Variants in PCMTD2 observed in about 807,000 individuals in gnomAD.
PCMTD2 encodes protein-L-isoaspartate O-methyltransferase domain-containing protein 2.
Under a neutral mutation model 33.4 loss-of-function variants are expected in PCMTD2, and 16 were observed. The observed-to-expected ratio is 0.48, with a 90% CI of 0.32 to 0.73. The LOEUF (loss-of-function observed/expected upper bound fraction) is 0.73, where lower values mean the gene tolerates loss of function less well. Ranked by LOEUF, PCMTD2 falls within the 30% of genes least tolerant of loss-of-function variation. The pLI, the probability that PCMTD2 is intolerant of heterozygous loss-of-function variation, is 0.03. For missense variants in PCMTD2, 374 were observed against 449.9 expected, an observed-to-expected ratio of 0.83 and a Z score of 1.53; for synonymous variants, 161 against 160.8, an observed-to-expected ratio of 1.00 and a Z score of -0.01.
Position 64,275,988 on chromosome 20 carries a change from A to G in PCMTD2, c.*2388A>G, listed in dbSNP as rs550317891. 16 of 152,358 alleles carry G rather than the reference A, an allele frequency of 1.1e-4. No individual in the cohort carries two copies. The highest frequency in any genetic ancestry group is 3.8e-4 in the African/African-American group (16 of 41,578). 9.4% of individuals were successfully genotyped at this position (152,358 alleles called of 1,614,324 possible). On this transcript the variant is annotated 3_prime_UTR_variant, in exon 6 of 6. Coordinates refer to ENST00000308824, the MANE Select transcript of PCMTD2 (RefSeq NM_018257.3). ...TAGATTTTAATGAGCTGGTAAACACAAATCATGTCAATAAAGGTAGTCAGG... is the reference window on the plus strand; with the variant it reads ...TAGATTTTAATGAGCTGGTAAACACGAATCATGTCAATAAAGGTAGTCAGG...
At position 64,273,892 on chromosome 20, in the gene PCMTD2, A is replaced by T; in HGVS notation, c.*292A>T. On this transcript the variant is annotated 3_prime_UTR_variant, in exon 6 of 6. Transcript: ENST00000308824. The stretch of plus-strand genomic sequence containing the variant: ...GAAGGCTGTTTCTTTTTCGGCTCTG[A>T]CGAAACACTGAAGTCTGCGTAAGAG... The T allele has an allele frequency of 3.5e-6, 1 of 282,608 alleles. No homozygotes were observed. Among genetic ancestry groups the T allele is most frequent in the East Asian group, 6.4e-5 (1 of 15,682 alleles). The allele number at this position is 282,608 out of a possible 1,614,324, so 17.5% of individuals were successfully genotyped here.
At chr20:64,262,452 A>G (rs1985462839) in intron 2 of PCMTD2, 1 of 152,270 alleles carries the variant, frequency 6.6e-6, no homozygotes, top group African/African-American at 2.4e-5. Context: ...TGGATGTAAC[A>G]TGCTGCTTTG....
chr20:64,256,303 A>G (rs948343267), intron 1 of PCMTD2, among the ~76,000 whole-genome samples: 20 of 152,110 alleles, frequency 1.3e-4, no homozygotes, highest in African/African-American at 4.8e-4. Context: ...TGCCTTGGAG[A>G]TAGTAAGAAT....
intron 1 of PCMTD2, among the ~76,000 whole-genome samples, chr20:64,258,316 C>T (rs1158734095): frequency 6.6e-6 from 1 of 152,170 alleles, no homozygotes; most frequent in Non-Finnish European, 1.5e-5. Flanking sequence ...GGACTTAATT[C>T]CATCTAAGTC....
In PCMTD2 at chr20:64,267,951, T is replaced by C; in HGVS notation, c.647T>C (p.Phe216Ser). 1 of 1,613,724 alleles carries C rather than the reference T, an allele frequency of 6.2e-7. No homozygotes were observed. The highest frequency in any genetic ancestry group is 8.5e-7 in the Non-Finnish European group (1 of 1,179,658). Residue 216 changes from phenylalanine to serine, a missense_variant, in exon 5 of 6, where the codon TTT (phenylalanine) becomes TCT (serine). By Grantham distance (155) the Phe-to-Ser change is radical. Coordinates refer to ENST00000308824, the MANE Select transcript of PCMTD2 (RefSeq NM_018257.3). Reference sequence around the variant, plus strand: ...ACCAAAAAGATTCTTGCTGTTTCTTTTGCTCCTCTGATCCAGCCCTGCCAT... The same window carrying C: ...ACCAAAAAGATTCTTGCTGTTTCTTCTGCTCCTCTGATCCAGCCCTGCCAT... ...WETKKILAVS[F>S]APLIQPCHSE...
intron 4 of PCMTD2, 91 bp downstream of exon 4, chr20:64,265,520 C>T (rs1411728801): frequency 2.0e-6 from 2 of 1,017,812 alleles, no homozygotes; most frequent in East Asian, 2.5e-5. Context: ...TTAACAATTT[C>T]CTGCATTTCA....
chr20:64,266,360 C>A lies in PCMTD2; in HGVS notation c.582+931C>A, dbSNP rs6122293. 3.3e-5 allele frequency among the ~76,000 whole-genome samples: 5 copies of A among 152,236 alleles called. No homozygotes were observed. In the East Asian group the frequency reaches 9.7e-4, roughly 29 times the overall value. ...GCAACCTCTGCCTCCTGGGTTCAAG[C>A]GATTCTTCTGCCTCAGCCTCCTGAG... is the stretch of plus-strand genomic sequence containing the variant. On this transcript the variant is annotated intron_variant, in intron 4 of 5. Transcript: ENST00000308824.
Position 64,275,627 on chromosome 20 carries a change from T to G in PCMTD2, c.*2027T>G, listed in dbSNP as rs937499976. 1 of 152,218 alleles carries G rather than the reference T, an allele frequency of 6.6e-6. No individual in the cohort carries two copies. The highest frequency in any genetic ancestry group is 2.4e-5 in the African/African-American group (1 of 41,456). 9.4% of individuals were successfully genotyped at this position (152,218 alleles called of 1,614,324 possible). A position where few individuals can be genotyped will look rare whatever the true frequency, so the allele number is the denominator to read the frequency against. ...TGTGAGAAATACTTTGGTGTTTACC[T>G]TATGAAAATAAAGGATTGTAAGTAA... On this transcript the variant is annotated 3_prime_UTR_variant, in exon 6 of 6. Coordinates refer to ENST00000308824, the MANE Select transcript of PCMTD2 (RefSeq NM_018257.3).
At chr20:64,268,284 T>G (rs1044912313) in intron 5 of PCMTD2, among the ~76,000 whole-genome samples, 2 of 152,198 alleles carry the variant, frequency 1.3e-5, no homozygotes, top group Non-Finnish European at 2.9e-5. Context: ...GGGAGCTCAT[T>G]TTGCCATGTG....
At chr20:64,261,489 C>T (rs1207726969) in intron 2 of PCMTD2, among the ~76,000 whole-genome samples, 1 of 152,090 alleles carries the variant, frequency 6.6e-6, no homozygotes, top group Non-Finnish European at 1.5e-5. Context: ...GTCGGAGGAT[C>T]GCTTGATCGC....
chr20:64,274,752 C>G lies in PCMTD2; in HGVS notation c.*1152C>G, dbSNP rs917781414. 2.0e-5 allele frequency: 3 copies of G among 152,238 alleles called. No homozygotes were observed. The highest frequency in any genetic ancestry group is 7.2e-5 in the African/African-American group (3 of 41,456). The allele number at this position is 152,238 out of a possible 1,614,324, so 9.4% of individuals were successfully genotyped here. A position where few individuals can be genotyped will look rare whatever the true frequency, so the allele number is the denominator to read the frequency against. On this transcript the variant is annotated 3_prime_UTR_variant, in exon 6 of 6. Coordinates refer to ENST00000308824, the MANE Select transcript of PCMTD2 (RefSeq NM_018257.3). Reference sequence around the variant, plus strand: ...CACTGACTTGTGATATCAGCCTTCTCTGGGCCTTGTGTGTGGAGAGCTTTC... The same window carrying G: ...CACTGACTTGTGATATCAGCCTTCTGTGGGCCTTGTGTGTGGAGAGCTTTC...
At position 64,275,473 on chromosome 20, in the gene PCMTD2, T is replaced by G. The variant is rs1986069377; in HGVS notation, c.*1873T>G. On this transcript the variant is annotated 3_prime_UTR_variant, in exon 6 of 6. Coordinates refer to ENST00000308824, the MANE Select transcript of PCMTD2 (RefSeq NM_018257.3). ...GCCTTTATGCTAGATTGTAAAAAAT[T>G]ATATTAGAATGCATAAGACATGTTT... 1 of 152,212 alleles carries G rather than the reference T, an allele frequency of 6.6e-6. No individual in the cohort carries two copies. Among genetic ancestry groups the G allele is most frequent in the Non-Finnish European group, 1.5e-5 (1 of 68,022 alleles). 9.4% of individuals were successfully genotyped at this position (152,212 alleles called of 1,614,324 possible). A position where few individuals can be genotyped will look rare whatever the true frequency, so the allele number is the denominator to read the frequency against.
At chr20:64,257,245 G>A (rs1985206723) in intron 1 of PCMTD2, among the ~76,000 whole-genome samples, 1 of 152,162 alleles carries the variant, frequency 6.6e-6, no homozygotes, top group Non-Finnish European at 1.5e-5. Flanking sequence ...TGCTTGTGTT[G>A]ACACAGCCAC....
rs564437846 is a variant in PCMTD2 at position 64,267,760 on chromosome 20, G to A, written c.583-127G>A. The A allele has an allele frequency of 7.8e-4, 584 of 751,778 alleles. 1 individual carries two copies. The highest frequency in any genetic ancestry group is 7.6e-4 in the Non-Finnish European group (354 of 466,018). 46.6% of individuals were successfully genotyped at this position (751,778 alleles called of 1,614,324 possible). A position where few individuals can be genotyped will look rare whatever the true frequency, so the allele number is the denominator to read the frequency against. On this transcript the variant is annotated intron_variant, in intron 4 of 5. Transcript: ENST00000308824. ...TCATGGCACATCACATTAGGGGTCC[G>A]TATGTCAAGATATTTCATTTTATTG...
chr20:64,270,070 G>A (rs565481951), intron 5 of PCMTD2, among the ~76,000 whole-genome samples: 19 of 149,846 alleles, frequency 1.3e-4, no homozygotes, highest in Non-Finnish European at 1.6e-4. Flanking sequence ...TTGTGAGTGC[G>A]GGCGTGCACG....
At position 64,275,457 on chromosome 20, in the gene PCMTD2, C is replaced by T. The variant is rs1479853680; in HGVS notation, c.*1857C>T. On this transcript the variant is annotated 3_prime_UTR_variant, in exon 6 of 6. Transcript: ENST00000308824. ...TAAAAAAACCGCATTTGCCTTTATG[C>T]TAGATTGTAAAAAATTATATTAGAA... 1 of 152,046 alleles carries T rather than the reference C, an allele frequency of 6.6e-6. No homozygotes were observed. The highest frequency in any genetic ancestry group is 2.1e-4 in the South Asian group (1 of 4,824). The allele number at this position is 152,046 out of a possible 1,614,324, so 9.4% of individuals were successfully genotyped here. A position where few individuals can be genotyped will look rare whatever the true frequency, so the allele number is the denominator to read the frequency against.
chr20:64,255,942 C>T (rs1985137076), intron 1 of PCMTD2, 72 bp downstream of exon 1: 1 of 152,294 alleles, frequency 6.6e-6, no homozygotes, highest in Non-Finnish European at 1.5e-5. Flanking sequence ...CCCTCGGCCC[C>T]TTCCCTCCTC....
At chr20:64,270,306 G>A (rs1452233219) in intron 5 of PCMTD2, among the ~76,000 whole-genome samples, 7 of 148,120 alleles carry the variant, frequency 4.7e-5, no homozygotes, top group Non-Finnish European at 1.0e-4. Flanking sequence ...GCACAGTGTG[G>A]GATCGTGTGA....
intron 2 of PCMTD2, among the ~76,000 whole-genome samples, chr20:64,263,237 G>A (rs929224734): frequency 6.6e-6 from 1 of 152,190 alleles, no homozygotes; most frequent in Non-Finnish European, 1.5e-5. Flanking sequence ...ATTTGATGTT[G>A]TAAACAGTGA....
Sources: gnomAD v4.1 joint callset for allele counts (sites outside exome capture counted in the v4.1 genomes callset) on GRCh38, gnomAD v4.1.1 for gene constraint, MANE v1.5 for transcripts, NCBI Gene and HGNC (gene_info 2026-07-23, HGNC 2026-07-21) for gene names.